The following ADAM23 variants were observed in gnomAD, a reference collection of about 807,000 sequenced individuals.
ADAM23 encodes the protein disintegrin and metalloproteinase domain-containing protein 23.
A neutral mutation model predicts 120.1 loss-of-function variants in ADAM23; 33 were observed. The observed-to-expected ratio is 0.27, with a 90% CI of 0.21 to 0.37. The LOEUF (loss-of-function observed/expected upper bound fraction) is 0.37, where lower values mean the gene tolerates loss of function less well. ADAM23 is among the 10% of genes least tolerant of loss of function. ADAM23 has a pLI of 1.00. For missense variants in ADAM23, 862 were observed against 1,058.2 expected (o/e 0.81, Z 2.57); for synonymous variants, 367 against 375.2 (o/e 0.98, Z 0.25).
At chr2:206,573,267 G>A (rs2105832832) in intron 18 of ADAM23, 72 bp downstream of exon 18, 18 of 1,398,524 alleles carry the variant, frequency 1.3e-5, no homozygotes, top group Non-Finnish European at 1.6e-5. Context: ...CAGTGCTTGG[G>A]GCCAGAAGTG....
At chr2:206,557,328 A>G (rs1318794737) in intron 9 of ADAM23, 99 bp from the exon 10 acceptor site, 6 of 978,106 alleles carry the variant, frequency 6.1e-6, no homozygotes, top group Admixed American at 1.8e-5. Context: ...TTTTAAATCC[A>G]TATTTCTACT....
At chr2:206,578,020 T>C (rs1452004997) in intron 18 of ADAM23, among the ~76,000 whole-genome samples, 1 of 152,194 alleles carries the variant, frequency 6.6e-6, no homozygotes, top group Non-Finnish European at 1.5e-5. Context: ...CCAGTGATGA[T>C]GAGCATTTTT....
At chr2:206,483,800 G>C (rs1249300344) in intron 3 of ADAM23, among the ~76,000 whole-genome samples, 2 of 152,160 alleles carry the variant, frequency 1.3e-5, no homozygotes, top group Non-Finnish European at 2.9e-5. Flanking sequence ...TGAAACTCTG[G>C]GGTGGAGGAA....
intron 2 of ADAM23, among the ~76,000 whole-genome samples, chr2:206,464,408 C>G (rs2300976): frequency 6.6e-6 from 1 of 152,154 alleles, no homozygotes; most frequent in East Asian, 1.9e-4. Context: ...AACCCCGTCT[C>G]TATTAAAAAT....
At chr2:206,574,459 T>C (rs1217510131) in intron 18 of ADAM23, among the ~76,000 whole-genome samples, 4 of 151,870 alleles carry the variant, frequency 2.6e-5, no homozygotes, top group Admixed American at 2.6e-4. Context: ...AATTTCTCCT[T>C]CATAATTAGT....
At chr2:206,499,545 C>A (rs562224351) in intron 3 of ADAM23, among the ~76,000 whole-genome samples, 16 of 151,162 alleles carry the variant, frequency 1.1e-4, no homozygotes, top group Middle Eastern at 6.8e-3. Context: ...TGCTAAATGA[C>A]GAGTTAATGG....
At position 206,618,128 on chromosome 2, in the gene ADAM23, A is replaced by G. The variant is rs1698970769; in HGVS notation, c.*501A>G. On this transcript the variant is annotated 3_prime_UTR_variant, in exon 26 of 26. Coordinates refer to ENST00000264377, the MANE Select transcript of ADAM23 (RefSeq NM_003812.4). Reference sequence around the variant, plus strand: ...ATATATACAACAAGCTAGCAAGCCAATTCTCAGCAAAACCTGCAACAGAAT... The same window carrying G: ...ATATATACAACAAGCTAGCAAGCCAGTTCTCAGCAAAACCTGCAACAGAAT... The G allele has an allele frequency of 6.5e-6, 1 of 152,756 alleles. No homozygotes were observed. Among genetic ancestry groups the G allele is most frequent in the South Asian group, 2.1e-4 (1 of 4,838 alleles). 9.5% of individuals were successfully genotyped at this position (152,756 alleles called of 1,614,324 possible). A position where few individuals can be genotyped will look rare whatever the true frequency, so the allele number is the denominator to read the frequency against.
intron 2 of ADAM23, among the ~76,000 whole-genome samples, chr2:206,468,560 C>G (rs556306948): frequency 6.6e-6 from 1 of 152,200 alleles, no homozygotes; most frequent in Non-Finnish European, 1.5e-5. Context: ...GTTCATGTCA[C>G]TATGAGCACT....
intron 3 of ADAM23, among the ~76,000 whole-genome samples, chr2:206,485,885 T>C (rs1696001921): frequency 6.6e-6 from 1 of 152,180 alleles, no homozygotes; most frequent in East Asian, 1.9e-4. Flanking sequence ...GAACCTGAGC[T>C]GAGCCCTGGT....
intron 3 of ADAM23, among the ~76,000 whole-genome samples, chr2:206,528,122 T>C (rs1003079535): frequency 1.3e-5 from 2 of 152,132 alleles, no homozygotes; most frequent in Non-Finnish European, 1.5e-5. Context: ...GATTGTGTGG[T>C]TGAAAATGTT....
chr2:206,586,989 C>T (rs569745327), intron 18 of ADAM23, among the ~76,000 whole-genome samples: 7 of 152,176 alleles, frequency 4.6e-5, no homozygotes, highest in South Asian at 4.2e-4. Context: ...TGAATGTGAC[C>T]GTTCTATGTA....
intron 3 of ADAM23, among the ~76,000 whole-genome samples, chr2:206,488,899 G>T (rs1559230399): frequency 1.3e-5 from 2 of 152,204 alleles, no homozygotes; most frequent in Admixed American, 1.3e-4. Context: ...GGTGAGTCAG[G>T]ACTGGTGAGG....
intron 16 of ADAM23, 124 bp downstream of exon 16, chr2:206,570,935 T>G (rs1697983741): frequency 1.3e-6 from 1 of 776,780 alleles, no homozygotes; most frequent in African/African-American, 1.7e-5. Flanking sequence ...TCTCTCTGAT[T>G]AGTGCTTAAT....
chr2:206,552,193 A>G (rs1469147700), intron 9 of ADAM23, among the ~76,000 whole-genome samples: 1 of 152,186 alleles, frequency 6.6e-6, no homozygotes, highest in Non-Finnish European at 1.5e-5. Flanking sequence ...AATAATAATT[A>G]AGATATATTC....
intron 2 of ADAM23, among the ~76,000 whole-genome samples, chr2:206,477,037 T>C (rs1695789382): frequency 1.3e-5 from 2 of 152,218 alleles, no homozygotes; most frequent in South Asian, 4.1e-4. Context: ...CTTGTTTTTA[T>C]GTCTATATTA....
chr2:206,561,412 C>A (rs540804437), intron 12 of ADAM23, among the ~76,000 whole-genome samples, 200 bp downstream of exon 12: 1 of 152,088 alleles, frequency 6.6e-6, no homozygotes, highest in African/African-American at 2.4e-5. Flanking sequence ...GACAATTTTT[C>A]GTATATATCA....
chr2:206,604,026 G>A (rs1698687344), intron 24 of ADAM23, among the ~76,000 whole-genome samples: 1 of 151,996 alleles, frequency 6.6e-6, no homozygotes, highest in East Asian at 1.9e-4. Context: ...CAGCACTTTG[G>A]GAGGCCGAGG....
intron 2 of ADAM23, among the ~76,000 whole-genome samples, chr2:206,477,708 G>A (rs1201299835): frequency 1.3e-5 from 2 of 151,704 alleles, no homozygotes; most frequent in Non-Finnish European, 2.9e-5. Flanking sequence ...GAACAATACT[G>A]TAGGTAGTCT....
At chr2:206,514,222 C>G (rs1696684817) in intron 3 of ADAM23, among the ~76,000 whole-genome samples, 1 of 152,108 alleles carries the variant, frequency 6.6e-6, no homozygotes, top group Non-Finnish European at 1.5e-5. Context: ...TCTATTGGGT[C>G]TGGGCAAAGT....
Sources: allele counts gnomAD v4.1 joint callset (sites outside exome capture counted in the v4.1 genomes callset), GRCh38; gene constraint gnomAD v4.1.1; transcripts MANE v1.5; gene names NCBI Gene and HGNC (gene_info 2026-07-23, HGNC 2026-07-21).